BACH2: variants seen among roughly 807,000 people sequenced by gnomAD.
BACH2 encodes transcription regulator protein BACH2.
BACH2 carries 5 observed loss-of-function variants against 61.8 expected under a neutral mutation model. The ratio of observed to expected loss-of-function variants is 0.08; its 90% confidence interval spans 0.04 to 0.17. BACH2 has a LOEUF of 0.17. BACH2 is among the 10% of genes least tolerant of loss of function. The probability of loss-of-function intolerance (pLI) is 1.00; values close to 1 mark genes in which losing one functional copy is unlikely to be tolerated. For missense variants in BACH2, 824 were observed against 1,091.1 expected, an observed-to-expected ratio of 0.76 and a Z score of 3.45; for synonymous variants, 446 against 440.1, an observed-to-expected ratio of 1.01 and a Z score of -0.17.
chr6:90,281,984 T>C (rs1353484412), intron 1 of BACH2, among the ~76,000 whole-genome samples: 2 of 152,110 alleles, frequency 1.3e-5, no homozygotes, highest in Non-Finnish European at 2.9e-5. Flanking sequence ...ATGCTGCCTC[T>C]CCACACCCTT....
At chr6:90,015,841 G>A (rs372571061) in intron 5 of BACH2, among the ~76,000 whole-genome samples, 11 of 152,156 alleles carry the variant, frequency 7.2e-5, no homozygotes, top group Admixed American at 2.0e-4. Context: ...TATAGGTTCC[G>A]TCATGTATTG....
At chr6:90,249,471 A>G (rs2127869404) in intron 3 of BACH2, among the ~76,000 whole-genome samples, 1 of 152,308 alleles carries the variant, frequency 6.6e-6, no homozygotes, top group Non-Finnish European at 1.5e-5. Flanking sequence ...GAGCATTTCA[A>G]TACATATCAT....
intron 3 of BACH2, among the ~76,000 whole-genome samples, chr6:90,245,733 G>A (rs1562524412): frequency 6.6e-6 from 1 of 152,184 alleles, no homozygotes; most frequent in Non-Finnish European, 1.5e-5. Context: ...GCTATGAGGT[G>A]ATCAGAAATA....
chr6:90,201,371 A>G (rs1005957716), intron 4 of BACH2, among the ~76,000 whole-genome samples: 1 of 152,152 alleles, frequency 6.6e-6, no homozygotes, highest in African/African-American at 2.4e-5. Flanking sequence ...ATCTTCATCA[A>G]TTGTATAGGT....
chr6:90,284,260 T>C (rs1156489245), intron 1 of BACH2, among the ~76,000 whole-genome samples: 1 of 152,072 alleles, frequency 6.6e-6, no homozygotes, highest in Non-Finnish European at 1.5e-5. Context: ...CATACGGAAA[T>C]GGGCTGCAAA....
intron 6 of BACH2, among the ~76,000 whole-genome samples, chr6:89,967,187 G>C (rs1027891075): frequency 3.3e-5 from 5 of 152,048 alleles, no homozygotes; most frequent in African/African-American, 1.2e-4. Flanking sequence ...GGCTGTTCTG[G>C]GCCATCTATT....
chr6:89,935,638 T>C lies in BACH2; in HGVS notation c.2043+2506A>G, dbSNP rs1297469587. Among the ~76,000 whole-genome samples the C allele has an allele frequency of 2.6e-5, 4 of 152,340 alleles. No homozygotes were observed. The East Asian group carries it at 7.7e-4, about 29-fold the overall frequency. On this transcript the variant is annotated intron_variant, in intron 8 of 8. Coordinates refer to ENST00000257749, the MANE Select transcript of BACH2 (RefSeq NM_021813.4). Reference sequence around the variant, plus strand: ...GGATGCCAAAAAGTGGTTGGAGAACTAGATGATGCTCTAATTTGGTTTTTT... The same window carrying C: ...GGATGCCAAAAAGTGGTTGGAGAACCAGATGATGCTCTAATTTGGTTTTTT...
At chr6:89,982,654 A>G (rs564962937) in intron 6 of BACH2, among the ~76,000 whole-genome samples, 63 of 152,302 alleles carry the variant, frequency 4.1e-4, no homozygotes, top group African/African-American at 1.4e-3. Context: ...AAATATCTGA[A>G]CAATACTTTA....
chr6:90,097,446 G>T (rs1473195781), intron 4 of BACH2, among the ~76,000 whole-genome samples: 1 of 152,102 alleles, frequency 6.6e-6, no homozygotes, highest in East Asian at 1.9e-4. Flanking sequence ...GGGATATAGG[G>T]TCCCAGGTCC....
chr6:90,085,555 T>C (rs148650489), intron 5 of BACH2, among the ~76,000 whole-genome samples: 1 of 152,308 alleles, frequency 6.6e-6, no homozygotes, highest in East Asian at 1.9e-4. Context: ...ACCACAGTTG[T>C]TTAAGGCAAA....
chr6:90,120,754 A>T (rs373677853), intron 4 of BACH2, among the ~76,000 whole-genome samples: 25 of 152,228 alleles, frequency 1.6e-4, no homozygotes, highest in Admixed American at 6.5e-5. Flanking sequence ...CATCCCCTGT[A>T]TAAAATATAC....
intron 6 of BACH2, among the ~76,000 whole-genome samples, chr6:89,971,021 T>C (rs1352110123): frequency 6.6e-6 from 1 of 152,270 alleles, no homozygotes; most frequent in African/African-American, 2.4e-5. Context: ...TAGCAAATTA[T>C]ATTTAATGCA....
chr6:90,054,968 T>C (rs553310266), intron 5 of BACH2, among the ~76,000 whole-genome samples: 2 of 152,138 alleles, frequency 1.3e-5, no homozygotes, highest in South Asian at 4.2e-4. Context: ...CAAAAACCCA[T>C]CTGTAAGTCA....
intron 3 of BACH2, among the ~76,000 whole-genome samples, chr6:90,223,158 T>C (rs1250108263): frequency 6.6e-6 from 1 of 152,196 alleles, no homozygotes; most frequent in African/African-American, 2.4e-5. Flanking sequence ...AACTTTTGCC[T>C]GGGTGCTATT....
chr6:90,109,656 C>T (rs1429153357), intron 4 of BACH2, among the ~76,000 whole-genome samples: 3 of 152,134 alleles, frequency 2.0e-5, no homozygotes, highest in African/African-American at 7.2e-5. Context: ...TTATTGTTTC[C>T]ATCCTCCCTC....
At position 90,158,664 on chromosome 6, in the gene BACH2, G is replaced by A. The variant is rs144231003; in HGVS notation, c.-162+47905C>T. On this transcript the variant is annotated intron_variant, in intron 4 of 8. Coordinates refer to ENST00000257749, the MANE Select transcript of BACH2 (RefSeq NM_021813.4). ...GAGCTGGGGGATGGGAAAAGACCCA[G>A]GAGCACAGGGCAGAGTCCAGAATTT... Among the ~76,000 whole-genome samples the A allele has an allele frequency of 1.5e-4, 23 of 152,090 alleles. No individual in the cohort carries two copies. In the East Asian group the frequency reaches 4.3e-3, roughly 28 times the overall value.
Position 90,064,940 on chromosome 6 carries a change from C to T in BACH2, c.-13+24021G>A, listed in dbSNP as rs375886745. 2.6e-4 allele frequency among the ~76,000 whole-genome samples: 40 copies of T among 152,260 alleles called. No individual in the cohort carries two copies. In the East Asian group the frequency reaches 6.4e-3, roughly 24 times the overall value. On this transcript the variant is annotated intron_variant, in intron 5 of 8. Transcript: ENST00000257749. Reference sequence around the variant, plus strand: ...CAATTCAGCAAGCATGTACCTATCACGTGCTTGATGCTGGACACTGGGGTC... The same window carrying T: ...CAATTCAGCAAGCATGTACCTATCATGTGCTTGATGCTGGACACTGGGGTC...
chr6:90,121,900 G>C (rs1223822453), intron 4 of BACH2, among the ~76,000 whole-genome samples: 1 of 152,166 alleles, frequency 6.6e-6, no homozygotes, highest in Non-Finnish European at 1.5e-5. Context: ...TTACTCATGT[G>C]TTGCTTAAAT....
rs140261274 is a variant in BACH2, at chr6:90,148,687, T to TAC, written c.-162+57880_-162+57881dup. ...GAATGTAATGGTTAAGTGTCTGTTT[T>TAC]ACACACACACACACACGCATACACG... is the stretch of plus-strand genomic sequence containing the variant. On this transcript the variant is annotated intron_variant, in intron 4 of 8. Coordinates refer to ENST00000257749, the MANE Select transcript of BACH2 (RefSeq NM_021813.4). Among the ~76,000 whole-genome samples, 781 of 151,508 alleles carry TAC rather than the reference T, an allele frequency of 5.2e-3. 6 individuals are homozygous for TAC. The highest frequency in any genetic ancestry group is 0.016 in the African/African-American group (672 of 41,390).
Sources: allele counts gnomAD v4.1 joint callset (sites outside exome capture counted in the v4.1 genomes callset), GRCh38; gene constraint gnomAD v4.1.1; transcripts MANE v1.5; gene names NCBI Gene and HGNC (gene_info 2026-07-23, HGNC 2026-07-21).